The following MARCHF10 variants were observed in gnomAD, a reference collection of about 807,000 sequenced individuals.
MARCHF10 encodes the protein membrane associated ring-CH-type finger 10.
MARCHF10 carries 64 observed loss-of-function variants against 76.2 expected under a neutral mutation model. That is an observed-to-expected ratio of 0.84 (90% CI 0.69 to 1.03). The LOEUF (loss-of-function observed/expected upper bound fraction) is 1.03, where lower values mean the gene tolerates loss of function less well. Among genes scored for constraint, MARCHF10 ranks in the 50% least tolerant of loss-of-function variants. The pLI is 0.00. For synonymous variants in MARCHF10, 340 were observed against 357.5 expected (o/e 0.95, Z 0.55); for missense variants, 875 against 958.0 (o/e 0.91, Z 1.14).
chr17:62,787,574 A>G (rs2092767187), intron 3 of MARCHF10, among the ~76,000 whole-genome samples: 1 of 152,226 alleles, frequency 6.6e-6, no homozygotes, highest in Non-Finnish European at 1.5e-5. Context: ...ATTATTAGAT[A>G]AGATCTTAAA....
chr17:62,772,952 A>G (rs1257897961), intron 3 of MARCHF10, among the ~76,000 whole-genome samples: 1 of 152,196 alleles, frequency 6.6e-6, no homozygotes, highest in Non-Finnish European at 1.5e-5. Flanking sequence ...AACTTTCTAA[A>G]AATATTTTGA....
chr17:62,722,938 G>T (rs576634449), intron 7 of MARCHF10, among the ~76,000 whole-genome samples: 13 of 151,512 alleles, frequency 8.6e-5, no homozygotes, highest in Non-Finnish European at 1.5e-4. Flanking sequence ...TTTGTAAAAA[G>T]AGTGACTATT....
chr17:62,794,247 C>G (rs2148172017), intron 2 of MARCHF10, among the ~76,000 whole-genome samples: 1 of 152,238 alleles, frequency 6.6e-6, no homozygotes, highest in South Asian at 2.1e-4. Context: ...CCACCAAACC[C>G]CACCACCCAT....
intron 8 of MARCHF10, among the ~76,000 whole-genome samples, chr17:62,717,637 C>T (rs1473741249): frequency 6.6e-5 from 10 of 152,234 alleles, no homozygotes; most frequent in East Asian, 3.9e-4. Context: ...CTCTGCTGGG[C>T]GTGGTGTGAC....
intron 2 of MARCHF10, among the ~76,000 whole-genome samples, chr17:62,795,342 A>G (rs2092966062): frequency 6.9e-6 from 1 of 144,996 alleles, no homozygotes; most frequent in South Asian, 2.2e-4. Context: ...CTCCAGTTAC[A>G]TAAATCATTT....
chr17:62,774,042 T>G (rs1359880716), intron 3 of MARCHF10, among the ~76,000 whole-genome samples: 1 of 152,026 alleles, frequency 6.6e-6, no homozygotes, highest in African/African-American at 2.4e-5. Context: ...CACGTCAGTG[T>G]GGAGCGGACA....
chr17:62,746,467 CAGAG>C (rs36009177), intron 4 of MARCHF10, among the ~76,000 whole-genome samples: 2 of 150,504 alleles, frequency 1.3e-5, no homozygotes, highest in Non-Finnish European at 3.0e-5. Flanking sequence ...GACAGAAAGA[CAGAG>C]AGAGAGAGAG....
intron 2 of MARCHF10, among the ~76,000 whole-genome samples, chr17:62,793,179 T>TACCACCACCACCTCCATCACC (rs1568219378): frequency 4.8e-4 from 16 of 33,186 alleles, no homozygotes; most frequent in Non-Finnish European, 8.4e-4. Flanking sequence ...CCTCCATCAC[T>TACCACCACCACCTCCATCACC]ACCACCACCA....
chr17:62,704,226 C>G (rs1056778335), intron 10 of MARCHF10, among the ~76,000 whole-genome samples: 1 of 151,648 alleles, frequency 6.6e-6, no homozygotes. Flanking sequence ...GCCGCGGGGC[C>G]GAGGCGCAGG....
chr17:62,745,393 T>C (rs1406700836), intron 4 of MARCHF10, among the ~76,000 whole-genome samples: 1 of 152,154 alleles, frequency 6.6e-6, no homozygotes, highest in African/African-American at 2.4e-5. Flanking sequence ...CATGAGCCAC[T>C]GCGCCCAGCC....
intron 4 of MARCHF10, among the ~76,000 whole-genome samples, chr17:62,752,360 G>C (rs2091921762): frequency 6.6e-6 from 1 of 152,178 alleles, no homozygotes; most frequent in Non-Finnish European, 1.5e-5. Flanking sequence ...GGAGTGCTCT[G>C]TTGGGCAGGA....
chr17:62,782,433 C>T (rs564942162), intron 3 of MARCHF10, among the ~76,000 whole-genome samples: 20 of 150,610 alleles, frequency 1.3e-4, no homozygotes, highest in East Asian at 5.9e-4. Context: ...CTGCAATCTC[C>T]GCCTCCCAGG....
chr17:62,733,311 T>A (rs944143347), intron 6 of MARCHF10, among the ~76,000 whole-genome samples: 4 of 151,884 alleles, frequency 2.6e-5, no homozygotes, highest in Non-Finnish European at 5.9e-5. Flanking sequence ...AATAAAGACA[T>A]CAATATTTCA....
At chr17:62,745,786 CT>C (rs2091683680) in intron 4 of MARCHF10, among the ~76,000 whole-genome samples, 1 of 152,198 alleles carries the variant, frequency 6.6e-6, no homozygotes, top group Non-Finnish European at 1.5e-5. Context: ...TGAGTTTCCT[CT>C]TCACATGTAT....
intron 4 of MARCHF10, chr17:62,746,983 GGAAAA>G (rs1469671953): frequency 6.5e-7 from 1 of 1,532,444 alleles, no homozygotes; most frequent in East Asian, 2.4e-5. Flanking sequence ...ACTCTGCTTT[GGAAAA>G]AACCCTTACT....
intron 4 of MARCHF10, among the ~76,000 whole-genome samples, chr17:62,756,271 A>C (rs2092039949): frequency 6.6e-6 from 1 of 151,702 alleles, no homozygotes; most frequent in Admixed American, 6.6e-5. Context: ...ACAACAAAAC[A>C]AAACAAAAAC....
intron 2 of MARCHF10, among the ~76,000 whole-genome samples, chr17:62,799,615 C>T (rs767930038): frequency 9.9e-5 from 15 of 152,040 alleles, no homozygotes; most frequent in Admixed American, 5.2e-4. Flanking sequence ...GGTGTGTTGG[C>T]GCATGCCTGA....
chr17:62,741,195 G>A (rs1392876537), intron 5 of MARCHF10, among the ~76,000 whole-genome samples: 1 of 152,096 alleles, frequency 6.6e-6, no homozygotes, highest in Admixed American at 6.5e-5. Context: ...ATAGTATAAA[G>A]GTATATATTA....
chr17:62,760,795 C>T (rs1202390031), intron 3 of MARCHF10, among the ~76,000 whole-genome samples: 1 of 152,234 alleles, frequency 6.6e-6, no homozygotes, highest in East Asian at 1.9e-4. Flanking sequence ...GCTATCCATT[C>T]TGCAACAAAT....
Sources: allele counts gnomAD v4.1 joint callset (sites outside exome capture counted in the v4.1 genomes callset), GRCh38; gene constraint gnomAD v4.1.1; transcripts MANE v1.5; gene names NCBI Gene and HGNC (gene_info 2026-07-23, HGNC 2026-07-21).